Variants in PIK3R3 observed in about 807,000 individuals in gnomAD.
PIK3R3 encodes phosphoinositide-3-kinase regulatory subunit 3.
PIK3R3 carries 64 observed loss-of-function variants against 62.9 expected under a neutral mutation model. The observed-to-expected ratio is 1.02, with a 90% CI of 0.83 to 1.25. The LOEUF (loss-of-function observed/expected upper bound fraction) is 1.25, where lower values mean the gene tolerates loss of function less well. PIK3R3 is among the 50% of genes most tolerant of loss of function. The pLI is 0.00. For synonymous variants in PIK3R3, 165 were observed against 189.0 expected, an observed-to-expected ratio of 0.87 and a Z score of 1.04; for missense variants, 614 against 561.6, an observed-to-expected ratio of 1.09 and a Z score of -0.94.
chr1:46,164,230 T>C, the PIK3R3 span, among the ~76,000 whole-genome samples: 27,063 of 152,136 alleles, frequency 0.18, 2,649 homozygotes, highest in South Asian at 0.39. Flanking sequence ...TCCTGCTCCC[T>C]GTCTCAGTGA....
chr1:46,057,124 G>T (rs949706350), intron 6 of PIK3R3: 1 of 152,314 alleles, frequency 6.6e-6, no homozygotes, highest in Non-Finnish European at 1.5e-5. Flanking sequence ...TGTTCTCGTG[G>T]TAGTGAATAG....
chr1:46,161,417 A>G, the PIK3R3 span, among the ~76,000 whole-genome samples: 1 of 152,112 alleles, frequency 6.6e-6, no homozygotes, highest in Non-Finnish European at 1.5e-5. Context: ...TAAAATGTTA[A>G]TACTCAGTGC....
chr1:46,129,069 T>G (rs1199101969), intron 1 of PIK3R3, among the ~76,000 whole-genome samples: 2 of 146,046 alleles, frequency 1.4e-5, no homozygotes, highest in East Asian at 4.0e-4. Context: ...AGACTCTGCC[T>G]CAGGAAAAAA....
the PIK3R3 span, among the ~76,000 whole-genome samples, chr1:46,157,320 A>T: frequency 1.3e-5 from 2 of 152,082 alleles, no homozygotes; most frequent in Non-Finnish European, 2.9e-5. Flanking sequence ...TTTTGTAGAG[A>T]CAGGGTTTTG....
intron 3 of PIK3R3, among the ~76,000 whole-genome samples, chr1:46,070,055 G>A (rs190300677): frequency 3.9e-4 from 60 of 152,332 alleles, no homozygotes; most frequent in Admixed American, 2.8e-3. Flanking sequence ...CAAGTGTCTC[G>A]AGGAACACTG....
At chr1:46,058,585 C>A (rs529330574) in intron 6 of PIK3R3, among the ~76,000 whole-genome samples, 46 of 152,382 alleles carry the variant, frequency 3.0e-4, no homozygotes, top group African/African-American at 9.4e-4. Flanking sequence ...GGATGTGAGA[C>A]ATGGAGTCAA....
chr1:46,102,750 A>T (rs785518), intron 1 of PIK3R3, among the ~76,000 whole-genome samples: 98,187 of 146,028 alleles, frequency 0.67, 33,372 homozygotes, highest in Non-Finnish European at 0.71. Flanking sequence ...CTCAAAAAAA[A>T]TTTTTAAAAT....
At chr1:46,057,421 GA>G (rs1373557954) in intron 6 of PIK3R3, 1 of 152,460 alleles carries the variant, frequency 6.6e-6, no homozygotes, top group East Asian at 1.9e-4. Flanking sequence ...CGAAAATGGG[GA>G]AGTGACCTTA....
intron 1 of PIK3R3, among the ~76,000 whole-genome samples, chr1:46,129,374 TATATG>T (rs1655373104): frequency 6.6e-6 from 1 of 151,970 alleles, no homozygotes; most frequent in South Asian, 2.1e-4. Context: ...TAGAGGGACT[TATATG>T]AGAGGGTAAG....
intron 1 of PIK3R3, among the ~76,000 whole-genome samples, chr1:46,122,262 G>C (rs138865576): frequency 7.0e-4 from 106 of 152,236 alleles, no homozygotes; most frequent in African/African-American, 2.5e-3. Context: ...TAAAAGTCAA[G>C]TCTTACACAC....
At chr1:46,069,069 T>G (rs1024661547) in intron 3 of PIK3R3, among the ~76,000 whole-genome samples, 3 of 152,150 alleles carry the variant, frequency 2.0e-5, no homozygotes, top group Non-Finnish European at 4.4e-5. Context: ...AATAGTGAGA[T>G]TCTTAACATA....
intron 1 of PIK3R3, among the ~76,000 whole-genome samples, chr1:46,114,752 ACAC>A (rs1216442489): frequency 6.8e-6 from 1 of 147,184 alleles, no homozygotes; most frequent in Non-Finnish European, 1.5e-5. Flanking sequence ...CTACAGGCAT[ACAC>A]CACCAAGCCT....
At chr1:46,140,087 C>T in the PIK3R3 span, among the ~76,000 whole-genome samples, 1 of 152,196 alleles carries the variant, frequency 6.6e-6, no homozygotes, top group Non-Finnish European at 1.5e-5. Flanking sequence ...CTCCTGGGCT[C>T]AAGCAATCCT....
chr1:46,171,196 G>C, the PIK3R3 span, among the ~76,000 whole-genome samples: 46 of 152,300 alleles, frequency 3.0e-4, no homozygotes, highest in Middle Eastern at 3.4e-3. Flanking sequence ...GGTTGGGATA[G>C]TACCCAGGGA....
At chr1:46,166,736 G>A in the PIK3R3 span, among the ~76,000 whole-genome samples, 1 of 152,154 alleles carries the variant, frequency 6.6e-6, no homozygotes. Flanking sequence ...GTAATCGGTC[G>A]AATTCGCTAG....
chr1:46,166,205 TTTTTCTTTTCTTTTC>T, the PIK3R3 span, among the ~76,000 whole-genome samples: 1 of 151,554 alleles, frequency 6.6e-6, no homozygotes, highest in Non-Finnish European at 1.5e-5. Context: ...CTTATAGGCT[TTTTTCTTTTCTTTTC>T]TTTTCTTTTC....
intron 7 of PIK3R3, among the ~76,000 whole-genome samples, chr1:46,051,775 C>G (rs80327092): frequency 1.3e-5 from 2 of 152,110 alleles, no homozygotes; most frequent in African/African-American, 4.8e-5. Flanking sequence ...CAAATAGATG[C>G]CTGAAAGCAG....
upstream of PIK3R3, chr1:46,132,718 C>T (rs1246040981): frequency 7.8e-7 from 1 of 1,288,890 alleles, no homozygotes; most frequent in Non-Finnish European, 1.0e-6. Context: ...CGCCACCCAA[C>T]CGCGCCGGGA....
chr1:46,117,581 T>C (rs1243173378), intron 1 of PIK3R3, among the ~76,000 whole-genome samples: 1 of 152,076 alleles, frequency 6.6e-6, no homozygotes, highest in Non-Finnish European at 1.5e-5. Context: ...CACTTAACAC[T>C]TCAAAAAAGA....
Sources: gnomAD v4.1 joint callset for allele counts (sites outside exome capture counted in the v4.1 genomes callset) on GRCh38, gnomAD v4.1.1 for gene constraint, MANE v1.5 for transcripts, NCBI Gene and HGNC (gene_info 2026-07-23, HGNC 2026-07-21) for gene names.